INSYN2B: variants seen among roughly 807,000 people sequenced by gnomAD.
INSYN2B encodes inhibitory synaptic factor family member 2B.
Under a neutral mutation model 41.2 loss-of-function variants are expected in INSYN2B, and 16 were observed. The observed-to-expected ratio is 0.39, with a 90% CI of 0.26 to 0.59. INSYN2B has a LOEUF of 0.59. Ranked by LOEUF, INSYN2B falls within the 20% of genes least tolerant of loss-of-function variation. The pLI, the probability that INSYN2B is intolerant of heterozygous loss-of-function variation, is 0.57. For synonymous variants in INSYN2B, 245 were observed against 244.4 expected, an observed-to-expected ratio of 1.00 and a Z score of -0.02; for missense variants, 608 against 646.4, an observed-to-expected ratio of 0.94 and a Z score of 0.64.
chr5:169,963,690 C>T (rs903732202), intron 1 of INSYN2B, among the ~76,000 whole-genome samples: 6 of 152,074 alleles, frequency 3.9e-5, no homozygotes, highest in African/African-American at 7.2e-5. Flanking sequence ...CTCTTTTCAC[C>T]CTTTCTTTGC....
chr5:169,881,309 G>T, intron 3 of INSYN2B, 59 bp downstream of exon 3: 1 of 1,397,534 alleles, frequency 7.2e-7, no homozygotes, highest in Non-Finnish European at 9.9e-7. Flanking sequence ...TTGCTAGAGT[G>T]TTCAGCGGAC....
intron 1 of INSYN2B, among the ~76,000 whole-genome samples, chr5:169,944,297 C>G (rs1230924615): frequency 6.6e-6 from 1 of 152,180 alleles, no homozygotes; most frequent in Admixed American, 6.5e-5. Context: ...AAGGTGATGA[C>G]GGCAGTGTGG....
intron 1 of INSYN2B, among the ~76,000 whole-genome samples, chr5:169,940,408 G>A (rs771259653): frequency 1.3e-5 from 2 of 152,158 alleles, no homozygotes; most frequent in African/African-American, 4.8e-5. Flanking sequence ...GACCAGTTTC[G>A]TGGAAGACAA....
intron 1 of INSYN2B, among the ~76,000 whole-genome samples, chr5:169,975,096 C>T (rs560339526): frequency 8.5e-5 from 13 of 152,290 alleles, no homozygotes; most frequent in South Asian, 2.1e-4. Flanking sequence ...AAACTAAAGT[C>T]CATGCCCACA....
Position 169,863,674 on chromosome 5 carries a change from C to A in INSYN2B, c.*599G>T, listed in dbSNP as rs1391582546. ...GTGCATGCACCATGAGATGACAGAG[C>A]CTTAATTTGGGATCAAGGGGCTAAT... On this transcript the variant is annotated 3_prime_UTR_variant, in exon 4 of 4. Coordinates refer to ENST00000377365, the MANE Select transcript of INSYN2B (RefSeq NM_001129891.3). Among the ~76,000 whole-genome samples the A allele has an allele frequency of 6.6e-6, 1 of 152,190 alleles. No homozygotes were observed. Among genetic ancestry groups the A allele is most frequent in the Non-Finnish European group, 1.5e-5 (1 of 68,038 alleles).
intron 3 of INSYN2B, chr5:169,875,302 C>G (rs1027660534): frequency 2.2e-6 from 1 of 456,574 alleles, no homozygotes. Context: ...TGAAACCCAG[C>G]AACAAGTTTC....
chr5:169,865,277 G>A (rs566078030), intron 3 of INSYN2B, among the ~76,000 whole-genome samples: 76 of 152,328 alleles, frequency 5.0e-4, no homozygotes, highest in Middle Eastern at 3.4e-3. Flanking sequence ...ACATTGAGGA[G>A]GTAAAAGTGA....
intron 1 of INSYN2B, among the ~76,000 whole-genome samples, chr5:169,956,632 T>G (rs1430058087): frequency 6.6e-6 from 1 of 152,224 alleles, no homozygotes; most frequent in African/African-American, 2.4e-5. Context: ...GAAAATACAT[T>G]GACTCAATCT....
intron 1 of INSYN2B, among the ~76,000 whole-genome samples, chr5:169,912,798 G>A (rs1472893877): frequency 1.3e-5 from 2 of 151,914 alleles, no homozygotes; most frequent in Admixed American, 1.3e-4. Flanking sequence ...AGGAGCAGCA[G>A]TATAACCAGA....
intron 3 of INSYN2B, among the ~76,000 whole-genome samples, chr5:169,868,545 G>A (rs1047744805): frequency 6.6e-6 from 1 of 152,172 alleles, no homozygotes; most frequent in Non-Finnish European, 1.5e-5. Context: ...GATTCCTTGA[G>A]GTCAGGAGTT....
At position 169,883,232 on chromosome 5, in the gene INSYN2B, G is replaced by A; in HGVS notation, c.667C>T (p.Pro223Ser). 1.3e-6 allele frequency: 2 copies of A among 1,551,520 alleles called. No individual in the cohort carries two copies. The highest frequency in any genetic ancestry group is 2.4e-5 in the South Asian group (2 of 84,046). ...SWEARESALS[P>S]DRSAEVSNSI... is the part of the protein sequence containing the mutation. ...TTACTTACTTCAGCTGACCTGTCTGGGCTGAGAGCAGACTCTCTAGCTTCC... is the reference window on the plus strand; with the variant it reads ...TTACTTACTTCAGCTGACCTGTCTGAGCTGAGAGCAGACTCTCTAGCTTCC... Residue 223 changes from proline (P) to serine (S), a missense_variant, in exon 2 of 4, where the codon CCA (proline) becomes TCA (serine). Pro to Ser is a moderately conservative substitution (Grantham distance 74, BLOSUM62 -1). Coordinates refer to ENST00000377365, the MANE Select transcript of INSYN2B (RefSeq NM_001129891.3).
At chr5:169,971,010 C>T (rs1184316363) in intron 1 of INSYN2B, among the ~76,000 whole-genome samples, 4 of 152,162 alleles carry the variant, frequency 2.6e-5, no homozygotes, top group South Asian at 2.1e-4. Flanking sequence ...GGAGGACCTG[C>T]GTTCATGCCA....
chr5:169,866,714 A>T (rs1009925182), intron 3 of INSYN2B, among the ~76,000 whole-genome samples: 3 of 152,222 alleles, frequency 2.0e-5, no homozygotes, highest in Non-Finnish European at 4.4e-5. Context: ...GGGCAGAGGC[A>T]TGTGCAGACT....
intron 1 of INSYN2B, among the ~76,000 whole-genome samples, chr5:169,938,074 C>T (rs955251611): frequency 1.3e-5 from 2 of 152,192 alleles, no homozygotes; most frequent in African/African-American, 4.8e-5. Flanking sequence ...ATTCAGTACA[C>T]ATCTATTGTG....
At chr5:169,925,441 G>A (rs983794779) in intron 1 of INSYN2B, among the ~76,000 whole-genome samples, 2 of 152,000 alleles carry the variant, frequency 1.3e-5, no homozygotes, top group African/African-American at 2.4e-5. Flanking sequence ...TTAACTGAGC[G>A]TGGTGTTGTG....
In INSYN2B at chr5:169,882,932, G is replaced by C. The variant is rs573686009; in HGVS notation, c.967C>G (p.Pro323Ala). The C allele has an allele frequency of 3.2e-6, 5 of 1,551,978 alleles. No homozygotes were observed. The African/African-American group carries it at 6.8e-5, about 21-fold the overall frequency. The change falls in exon 2 of 4, where the codon CCA becomes GCA. Residue 323 changes from proline (P) to alanine (A), a missense_variant. Coordinates refer to ENST00000377365, the MANE Select transcript of INSYN2B (RefSeq NM_001129891.3). Reference protein sequence around the residue: ...SQGSHSQPAHPGRASDCPSSS... With the variant: ...SQGSHSQPAHAGRASDCPSSS... ...GAAGGACAGTCTGAGGCTCTTCCTG[G>C]GTGGGCTGGCTGGCTGTGGGAGCCT...
chr5:169,975,329 C>T (rs778966860), intron 1 of INSYN2B, among the ~76,000 whole-genome samples: 22 of 152,200 alleles, frequency 1.4e-4, no homozygotes, highest in Non-Finnish European at 2.5e-4. Flanking sequence ...AGCTTTCCAG[C>T]ACACAGCAGC....
intron 1 of INSYN2B, among the ~76,000 whole-genome samples, chr5:169,894,756 T>A (rs1773500324): frequency 6.6e-6 from 1 of 152,196 alleles, no homozygotes; most frequent in Non-Finnish European, 1.5e-5. Flanking sequence ...ACTGTTCTTA[T>A]CTTTACCATG....
intron 3 of INSYN2B, among the ~76,000 whole-genome samples, chr5:169,869,178 C>T (rs1771783126): frequency 6.6e-6 from 1 of 152,178 alleles, no homozygotes; most frequent in Non-Finnish European, 1.5e-5. Flanking sequence ...AGTAGCTGCG[C>T]ACCTTACCAG....
Sources: allele counts gnomAD v4.1 joint callset (sites outside exome capture counted in the v4.1 genomes callset), GRCh38; gene constraint gnomAD v4.1.1; transcripts MANE v1.5; gene names NCBI Gene and HGNC (gene_info 2026-07-23, HGNC 2026-07-21).